Variants in CNTNAP2 observed in about 807,000 individuals in gnomAD.
The protein encoded by CNTNAP2 is contactin-associated protein-like 2.
In CNTNAP2, 98 loss-of-function variants were observed where a neutral mutation model predicts 155.2. That is an observed-to-expected ratio of 0.63 (90% confidence interval 0.54 to 0.75). The LOEUF (loss-of-function observed/expected upper bound fraction) is 0.75. Ranked by LOEUF, CNTNAP2 falls within the 30% of genes least tolerant of loss-of-function variation. CNTNAP2 has a pLI of 0.00. For missense variants in CNTNAP2, 1,727 were observed against 1,688.1 expected, an observed-to-expected ratio of 1.02 and a Z score of -0.40; for synonymous variants, 651 against 631.2, an observed-to-expected ratio of 1.03 and a Z score of -0.47.
intron 1 of CNTNAP2, among the ~76,000 whole-genome samples, chr7:146,173,590 A>G (rs1399531074): frequency 6.6e-6 from 1 of 152,184 alleles, no homozygotes; most frequent in Non-Finnish European, 1.5e-5. Context: ...TATTTGACAA[A>G]TTTAATTGCC....
chr7:146,366,419 C>T (rs1056585589), intron 1 of CNTNAP2, among the ~76,000 whole-genome samples: 21 of 151,914 alleles, frequency 1.4e-4, no homozygotes, highest in South Asian at 1.2e-3. Flanking sequence ...ACCATTTATC[C>T]GGACAAGGCA....
chr7:148,267,966 G>A (rs1304184020), intron 21 of CNTNAP2, among the ~76,000 whole-genome samples: 1 of 152,180 alleles, frequency 6.6e-6, no homozygotes, highest in African/African-American at 2.4e-5. Context: ...GAATTTGACA[G>A]TGTGACAGAA....
chr7:147,008,215 A>T (rs1181931987), intron 3 of CNTNAP2, among the ~76,000 whole-genome samples: 3 of 152,072 alleles, frequency 2.0e-5, no homozygotes, highest in Admixed American at 1.3e-4. Context: ...TCCTGGTTAT[A>T]AGCGTATTGA....
chr7:147,476,262 T>C (rs969310954), intron 10 of CNTNAP2, among the ~76,000 whole-genome samples: 42 of 151,920 alleles, frequency 2.8e-4, no homozygotes, highest in East Asian at 2.8e-3. Flanking sequence ...CCCGCCACCA[T>C]GCCCAGCTAC....
At chr7:148,212,558 A>G (rs1486505337) in intron 18 of CNTNAP2, among the ~76,000 whole-genome samples, 2 of 152,234 alleles carry the variant, frequency 1.3e-5, no homozygotes, top group African/African-American at 2.4e-5. Context: ...AGTATTGTCT[A>G]TTACTAGTAT....
intron 9 of CNTNAP2, among the ~76,000 whole-genome samples, chr7:147,375,793 G>T (rs772016857): frequency 2.4e-4 from 36 of 151,888 alleles, no homozygotes; most frequent in Non-Finnish European, 2.1e-4. Context: ...CTCATATTTC[G>T]TTGACGTTTC....
chr7:147,728,341 T>G (rs2116461313), intron 13 of CNTNAP2, among the ~76,000 whole-genome samples: 1 of 152,240 alleles, frequency 6.6e-6, no homozygotes, highest in South Asian at 2.1e-4. Context: ...TACTGACCAC[T>G]CTGATGGAAC....
intron 11 of CNTNAP2, among the ~76,000 whole-genome samples, chr7:147,523,327 G>T (rs1286471628): frequency 6.6e-6 from 1 of 152,162 alleles, no homozygotes; most frequent in Non-Finnish European, 1.5e-5. Flanking sequence ...GCGAGAGAGA[G>T]AATGAATGCA....
At chr7:146,716,575 A>G (rs576686841) in intron 1 of CNTNAP2, among the ~76,000 whole-genome samples, 30 of 152,132 alleles carry the variant, frequency 2.0e-4, no homozygotes, top group Non-Finnish European at 3.7e-4. Context: ...GTACCCATCT[A>G]TGTTTGACAC....
At chr7:146,454,744 TTAGA>T (rs1370405247) in intron 1 of CNTNAP2, among the ~76,000 whole-genome samples, 5 of 151,764 alleles carry the variant, frequency 3.3e-5, no homozygotes, top group Middle Eastern at 3.4e-3. Context: ...GATAGATAGA[TTAGA>T]TAGATAGATA....
At chr7:148,401,542 G>C (rs201914687) in intron 22 of CNTNAP2, among the ~76,000 whole-genome samples, 1 of 151,610 alleles carries the variant, frequency 6.6e-6, no homozygotes, top group Admixed American at 6.6e-5. Context: ...CCTTACCTTC[G>C]TGTTTATTTT....
intron 5 of CNTNAP2, among the ~76,000 whole-genome samples, chr7:147,113,449 A>G (rs992909877): frequency 2.0e-5 from 3 of 152,138 alleles, no homozygotes; most frequent in African/African-American, 7.2e-5. Context: ...TTATTAAAAA[A>G]AAAAAAGAGG....
chr7:146,792,557 A>G lies in CNTNAP2; in HGVS notation c.208+18176A>G, dbSNP rs573356244. 3.3e-5 allele frequency among the ~76,000 whole-genome samples: 5 copies of G among 152,316 alleles called. No homozygotes were observed. The East Asian group carries it at 9.6e-4, about 29-fold the overall frequency. On this transcript the variant is annotated intron_variant, in intron 2 of 23. Coordinates refer to ENST00000361727, the MANE Select transcript of CNTNAP2 (RefSeq NM_014141.6). Reference sequence around the variant, plus strand: ...AAAATCAGTGTTGAAAGGCTGCTCAAACTACAGAAAATGAGGTATCCAGGC... The same window carrying G: ...AAAATCAGTGTTGAAAGGCTGCTCAGACTACAGAAAATGAGGTATCCAGGC...
intron 14 of CNTNAP2, among the ~76,000 whole-genome samples, chr7:147,963,870 CT>C (rs909332039): frequency 1.2e-4 from 18 of 152,130 alleles, no homozygotes; most frequent in Middle Eastern, 3.4e-3. Context: ...GACCAAATGT[CT>C]TTTTTCCCCC....
intron 8 of CNTNAP2, among the ~76,000 whole-genome samples, chr7:147,287,037 A>G (rs1027543321): frequency 6.6e-6 from 1 of 152,170 alleles, no homozygotes; most frequent in Non-Finnish European, 1.5e-5. Flanking sequence ...CATGGTGAGA[A>G]ATATTTTATT....
intron 1 of CNTNAP2, among the ~76,000 whole-genome samples, chr7:146,684,095 C>T (rs1800553208): frequency 6.6e-6 from 1 of 152,160 alleles, no homozygotes; most frequent in Non-Finnish European, 1.5e-5. Flanking sequence ...AGAGTCTGTG[C>T]ACTGACTTTC....
chr7:146,306,495 C>A (rs1800715387), intron 1 of CNTNAP2, among the ~76,000 whole-genome samples: 1 of 152,104 alleles, frequency 6.6e-6, no homozygotes, highest in South Asian at 2.1e-4. Flanking sequence ...CAAAAATCCT[C>A]AATAAAATAC....
intron 1 of CNTNAP2, among the ~76,000 whole-genome samples, chr7:146,542,306 G>A (rs537473342): frequency 2.0e-5 from 3 of 152,004 alleles, no homozygotes; most frequent in South Asian, 4.2e-4. Flanking sequence ...TTTATAAAAC[G>A]ACTGCAATAA....
chr7:147,715,945 G>C (rs952174200), intron 13 of CNTNAP2, among the ~76,000 whole-genome samples: 2 of 152,082 alleles, frequency 1.3e-5, no homozygotes, highest in Non-Finnish European at 1.5e-5. Context: ...TCATTGCATC[G>C]TCATTTATTG....
Sources: allele counts gnomAD v4.1 joint callset (sites outside exome capture counted in the v4.1 genomes callset), GRCh38; gene constraint gnomAD v4.1.1; transcripts MANE v1.5; gene names NCBI Gene and HGNC (gene_info 2026-07-23, HGNC 2026-07-21).